CAMKMT: variants seen among roughly 807,000 people sequenced by gnomAD.
CAMKMT encodes the protein CaM KMT.
In CAMKMT, 53 loss-of-function variants were observed where a neutral mutation model predicts 48.0. The ratio of observed to expected loss-of-function variants is 1.10; its 90% CI spans 0.89 to 1.39. The LOEUF is 1.39. CAMKMT is among the 40% of genes most tolerant of loss of function. The pLI, the probability that CAMKMT is intolerant of heterozygous loss-of-function variation, is 0.00. For missense variants in CAMKMT, 428 were observed against 402.7 expected, an observed-to-expected ratio of 1.06 and a Z score of -0.54; for synonymous variants, 165 against 152.3, an observed-to-expected ratio of 1.08 and a Z score of -0.61.
intron 3 of CAMKMT, among the ~76,000 whole-genome samples, chr2:44,558,034 T>TATTCATTCATTC (rs60843994): frequency 1.6e-4 from 23 of 143,982 alleles, no homozygotes; most frequent in African/African-American, 4.8e-4. Flanking sequence ...TTTATTTATT[T>TATTCATTCATTC]ATTCATTCAT....
chr2:44,666,431 C>G (rs1191373908), intron 3 of CAMKMT, among the ~76,000 whole-genome samples: 1 of 152,140 alleles, frequency 6.6e-6, no homozygotes, highest in Non-Finnish European at 1.5e-5. Flanking sequence ...CCTTTGGCCC[C>G]CAGAATGCGA....
At chr2:44,766,808 A>T (rs187991308) in intron 10 of CAMKMT, among the ~76,000 whole-genome samples, 8 of 152,350 alleles carry the variant, frequency 5.3e-5, no homozygotes, top group Admixed American at 4.6e-4. Flanking sequence ...CTTTTCATTC[A>T]TAATAGACTA....
rs34628835 is a variant in CAMKMT at position 44,429,277 on chromosome 2, ATGTGTGTGTG to A, written c.376+38994_376+39003del. ...TATATATATGTGTGTGTGTGTGTGT[ATGTGTGTGTG>A]TGTGTGTGTGTGTGTGTGTGTATGT... On this transcript the variant is annotated intron_variant, in intron 3 of 10. Coordinates refer to ENST00000378494, the MANE Select transcript of CAMKMT (RefSeq NM_024766.5). 4.8e-3 allele frequency among the ~76,000 whole-genome samples: 710 copies of A among 147,132 alleles called. 2 individuals carry two copies. Among genetic ancestry groups the A allele is most frequent in the Middle Eastern group, 0.021 (6 of 284 alleles).
At chr2:44,428,056 A>G (rs138833836) in intron 3 of CAMKMT, among the ~76,000 whole-genome samples, 1 of 152,270 alleles carries the variant, frequency 6.6e-6, no homozygotes, top group East Asian at 1.9e-4. Context: ...CTCTTTTAGC[A>G]TTTGCCTTCT....
intron 7 of CAMKMT, among the ~76,000 whole-genome samples, chr2:44,740,516 G>A (rs1280627308): frequency 1.3e-5 from 2 of 152,130 alleles, no homozygotes; most frequent in African/African-American, 2.4e-5. Flanking sequence ...AATTTTGAAG[G>A]GAGAGTACAA....
chr2:44,571,425 A>G (rs1668893528), intron 3 of CAMKMT, among the ~76,000 whole-genome samples: 1 of 152,226 alleles, frequency 6.6e-6, no homozygotes, highest in Non-Finnish European at 1.5e-5. Context: ...TAATTATGCA[A>G]ATTGAACTAG....
intron 3 of CAMKMT, among the ~76,000 whole-genome samples, chr2:44,416,090 G>A (rs1683531563): frequency 6.6e-6 from 1 of 152,142 alleles, no homozygotes; most frequent in Non-Finnish European, 1.5e-5. Flanking sequence ...ATCAATTTAT[G>A]AAGTATGGTT....
intron 3 of CAMKMT, chr2:44,549,563 T>A (rs1180248220): frequency 1.4e-6 from 1 of 694,910 alleles, no homozygotes; most frequent in Non-Finnish European, 2.6e-6. Context: ...AGACACAGGG[T>A]CTCACTCTGT....
At chr2:44,611,630 A>T (rs1351686538) in intron 3 of CAMKMT, among the ~76,000 whole-genome samples, 1 of 152,086 alleles carries the variant, frequency 6.6e-6, no homozygotes, top group Non-Finnish European at 1.5e-5. Context: ...CCCTTTAAGC[A>T]TGGTGTATTA....
At chr2:44,557,415 A>T (rs142962923) in intron 3 of CAMKMT, among the ~76,000 whole-genome samples, 1 of 152,224 alleles carries the variant, frequency 6.6e-6, no homozygotes, top group Admixed American at 6.5e-5. Context: ...TTATGGTACA[A>T]TAAGGGCAGG....
intron 6 of CAMKMT, among the ~76,000 whole-genome samples, chr2:44,712,232 C>G (rs574911544): frequency 6.6e-6 from 1 of 152,026 alleles, no homozygotes; most frequent in South Asian, 2.1e-4. Context: ...TTCCTACCCT[C>G]ATTTTTGGTA....
At chr2:44,578,313 A>C (rs916132815) in intron 3 of CAMKMT, among the ~76,000 whole-genome samples, 1 of 152,258 alleles carries the variant, frequency 6.6e-6, no homozygotes, top group Non-Finnish European at 1.5e-5. Flanking sequence ...TAATAATTTC[A>C]TATGGAAATA....
At chr2:44,499,521 G>A (rs1020992279) in intron 3 of CAMKMT, among the ~76,000 whole-genome samples, 1 of 152,198 alleles carries the variant, frequency 6.6e-6, no homozygotes, top group African/African-American at 2.4e-5. Flanking sequence ...ATGGGAATTT[G>A]TCTTTATAAT....
chr2:44,732,157 T>G (rs550852842), intron 7 of CAMKMT, among the ~76,000 whole-genome samples: 86 of 152,282 alleles, frequency 5.6e-4, no homozygotes, highest in African/African-American at 1.9e-3. Flanking sequence ...TCTCACTATG[T>G]TGCTTAGGCT....
intron 3 of CAMKMT, among the ~76,000 whole-genome samples, chr2:44,517,159 G>A (rs1670872896): frequency 6.6e-6 from 1 of 151,972 alleles, no homozygotes; most frequent in African/African-American, 2.4e-5. Flanking sequence ...AAAAAAACAG[G>A]AACTATAACC....
chr2:44,537,558 CTT>C (rs1235796710), intron 3 of CAMKMT, among the ~76,000 whole-genome samples: 1 of 149,510 alleles, frequency 6.7e-6, no homozygotes, highest in Admixed American at 6.7e-5. Flanking sequence ...AAAGGGAACT[CTT>C]TTTTTTTTCT....
intron 3 of CAMKMT, among the ~76,000 whole-genome samples, chr2:44,498,615 C>G (rs1669868326): frequency 6.6e-6 from 1 of 152,160 alleles, no homozygotes; most frequent in Admixed American, 6.6e-5. Flanking sequence ...GCTTATTCAA[C>G]TAAACAACTG....
chr2:44,697,891 C>T (rs1449267277), intron 3 of CAMKMT, among the ~76,000 whole-genome samples: 1 of 151,974 alleles, frequency 6.6e-6, no homozygotes, highest in Non-Finnish European at 1.5e-5. Context: ...AACACAATTA[C>T]CAGAAGAGTT....
At position 44,375,379 on chromosome 2, in the gene CAMKMT, A is replaced by T. The variant is rs181617776; in HGVS notation, c.311+2491A>T. Reference sequence around the variant, plus strand: ...TAATAGCACCTTCTATATATATATAAAAAAACAGAAATAAATATAAATATA... The same window carrying T: ...TAATAGCACCTTCTATATATATATATAAAAACAGAAATAAATATAAATATA... On this transcript the variant is annotated intron_variant, in intron 2 of 10. Transcript: ENST00000378494. Among the ~76,000 whole-genome samples, 1,027 of 151,410 alleles carry T rather than the reference A, an allele frequency of 6.8e-3. 10 individuals carry two copies. Among genetic ancestry groups the T allele is most frequent in the Middle Eastern group, 0.017 (5 of 294 alleles).
Sources: gnomAD v4.1 joint callset for allele counts (sites outside exome capture counted in the v4.1 genomes callset) on GRCh38, gnomAD v4.1.1 for gene constraint, MANE v1.5 for transcripts, NCBI Gene and HGNC (gene_info 2026-07-23, HGNC 2026-07-21) for gene names.